Variants in TAF3 observed in about 807,000 individuals in gnomAD.
The protein encoded by TAF3 is transcription initiation factor TFIID subunit 3.
Under a neutral mutation model 80.6 loss-of-function variants are expected in TAF3, and 7 were observed. That is an observed-to-expected ratio of 0.09 (90% CI 0.05 to 0.16). The LOEUF is 0.16. Ranked by LOEUF, TAF3 falls within the 10% of genes least tolerant of loss-of-function variation. The probability of loss-of-function intolerance (pLI) is 1.00; values close to 1 mark genes in which losing one functional copy is unlikely to be tolerated. For synonymous variants in TAF3, 444 were observed against 446.1 expected, an observed-to-expected ratio of 1.00 and a Z score of 0.06; for missense variants, 921 against 1,140.2, an observed-to-expected ratio of 0.81 and a Z score of 2.77.
At chr10:7,883,903 CG>C (rs1837384079) in intron 2 of TAF3, among the ~76,000 whole-genome samples, 2 of 152,128 alleles carry the variant, frequency 1.3e-5, no homozygotes, top group Admixed American at 1.3e-4. Context: ...TTCTTGCTGG[CG>C]GGGAGAGGGG....
At chr10:7,967,241 G>A (rs1831581140) in intron 3 of TAF3, among the ~76,000 whole-genome samples, 1 of 152,172 alleles carries the variant, frequency 6.6e-6, no homozygotes, top group Non-Finnish European at 1.5e-5. Context: ...TATCCCTTGT[G>A]TACCTAGTAA....
At chr10:7,837,364 T>C (rs1836861559) in intron 2 of TAF3, among the ~76,000 whole-genome samples, 1 of 138,418 alleles carries the variant, frequency 7.2e-6, no homozygotes, top group Admixed American at 7.3e-5. Flanking sequence ...AAAAGTCAGC[T>C]GGGTGTGGTG....
chr10:7,908,869 A>G (rs1837630257), intron 2 of TAF3, among the ~76,000 whole-genome samples: 1 of 152,238 alleles, frequency 6.6e-6, no homozygotes, highest in South Asian at 2.1e-4. Context: ...GGCCTTGTCC[A>G]AGCACAGGTG....
chr10:7,824,170 TC>T lies in TAF3; in HGVS notation c.167-147del, dbSNP rs1339961004. ...CAGCTTAAACATGATTCTGTGATACTCTTTAAAATCTATTAAATTCTTTCCA... is the reference window on the plus strand; with the variant it reads ...CAGCTTAAACATGATTCTGTGATACTTTTAAAATCTATTAAATTCTTTCCA... On this transcript the variant is annotated intron_variant, in intron 1 of 6. Transcript: ENST00000344293. 6.4e-6 allele frequency: 6 copies of T among 931,584 alleles called. No homozygotes were observed. In the East Asian group the frequency reaches 1.6e-4, roughly 25 times the overall value. 57.7% of individuals were successfully genotyped at this position (931,584 alleles called of 1,614,324 possible).
intron 2 of TAF3, among the ~76,000 whole-genome samples, chr10:7,912,320 A>G (rs532754652): frequency 2.3e-4 from 35 of 152,312 alleles, no homozygotes; most frequent in Non-Finnish European, 4.0e-4. Flanking sequence ...AGCTGGTCTC[A>G]AAATCCTGGG....
intron 2 of TAF3, among the ~76,000 whole-genome samples, chr10:7,961,006 A>T (rs900457685): frequency 1.3e-5 from 2 of 152,202 alleles, no homozygotes; most frequent in African/African-American, 4.8e-5. Context: ...TAAGATGAGG[A>T]ACCACAAGCT....
intron 2 of TAF3, among the ~76,000 whole-genome samples, chr10:7,875,713 A>G (rs1234389566): frequency 6.6e-6 from 1 of 152,178 alleles, no homozygotes; most frequent in Non-Finnish European, 1.5e-5. Context: ...AGTTTAGTGA[A>G]TTTACCCCCC....
At chr10:7,971,270 A>G (rs12782810) in intron 3 of TAF3, among the ~76,000 whole-genome samples, 3 of 152,162 alleles carry the variant, frequency 2.0e-5, no homozygotes, top group Admixed American at 2.0e-4. Flanking sequence ...TAATGTAAAG[A>G]CCTTAATTGC....
At chr10:7,915,789 G>A (rs1211140586) in intron 2 of TAF3, among the ~76,000 whole-genome samples, 3 of 151,812 alleles carry the variant, frequency 2.0e-5, no homozygotes, top group East Asian at 1.9e-4. Flanking sequence ...GACCAGCCTC[G>A]CCAACATGGT....
chr10:7,994,504 C>A (rs1029856163), intron 4 of TAF3, among the ~76,000 whole-genome samples: 1 of 152,074 alleles, frequency 6.6e-6, no homozygotes, highest in Non-Finnish European at 1.5e-5. Context: ...ATTACTGTTA[C>A]GTATTTATTT....
At chr10:7,853,842 C>T (rs1411366852) in intron 2 of TAF3, among the ~76,000 whole-genome samples, 1 of 152,244 alleles carries the variant, frequency 6.6e-6, no homozygotes, top group Non-Finnish European at 1.5e-5. Flanking sequence ...AACCAACATT[C>T]ATGCCAAACT....
intron 2 of TAF3, among the ~76,000 whole-genome samples, chr10:7,856,832 C>T (rs1837084722): frequency 1.5e-5 from 2 of 132,264 alleles, no homozygotes; most frequent in South Asian, 4.7e-4. Flanking sequence ...CACTGGTGCT[C>T]TGGTAAATGT....
chr10:7,885,989 C>T (rs567003963), intron 2 of TAF3, among the ~76,000 whole-genome samples: 5 of 152,134 alleles, frequency 3.3e-5, no homozygotes, highest in South Asian at 2.1e-4. Context: ...TGTGTAGTGG[C>T]GCGACGATGG....
intron 2 of TAF3, among the ~76,000 whole-genome samples, chr10:7,956,966 A>G (rs922093716): frequency 6.6e-6 from 1 of 151,994 alleles, no homozygotes; most frequent in African/African-American, 2.4e-5. Flanking sequence ...TCTTTTTTCT[A>G]CTAGAACTAT....
intron 2 of TAF3, among the ~76,000 whole-genome samples, chr10:7,960,196 G>A (rs1022253282): frequency 1.3e-5 from 2 of 152,176 alleles, no homozygotes; most frequent in Non-Finnish European, 2.9e-5. Flanking sequence ...ATAAGTGAAT[G>A]TTCATTCACT....
At chr10:7,886,461 A>G (rs1837409853) in intron 2 of TAF3, among the ~76,000 whole-genome samples, 1 of 152,156 alleles carries the variant, frequency 6.6e-6, no homozygotes, top group South Asian at 2.1e-4. Flanking sequence ...TTCTTTACAC[A>G]AAATATATAA....
chr10:7,996,769 T>A (rs1831891137), intron 4 of TAF3, among the ~76,000 whole-genome samples: 2 of 134,842 alleles, frequency 1.5e-5, no homozygotes, highest in South Asian at 4.5e-4. Context: ...AACCTCCACC[T>A]CCTGGGCTCA....
chr10:7,917,307 C>T (rs545931033), intron 2 of TAF3, among the ~76,000 whole-genome samples: 8 of 152,262 alleles, frequency 5.3e-5, no homozygotes, highest in South Asian at 2.1e-4. Context: ...TGAAGCAAAT[C>T]GAAGGGAAGA....
At chr10:7,932,032 A>G (rs1588556531) in intron 2 of TAF3, among the ~76,000 whole-genome samples, 2 of 152,298 alleles carry the variant, frequency 1.3e-5, no homozygotes, top group Middle Eastern at 6.8e-3. Flanking sequence ...ATACCACCCT[A>G]TATAGAGATA....
Sources: allele counts gnomAD v4.1 joint callset (sites outside exome capture counted in the v4.1 genomes callset), GRCh38; gene constraint gnomAD v4.1.1; transcripts MANE v1.5; gene names NCBI Gene and HGNC (gene_info 2026-07-23, HGNC 2026-07-21).